The following FSTL5 variants were observed in gnomAD, a reference collection of about 807,000 sequenced individuals.
The protein encoded by FSTL5 is follistatin like 5, also known as follistatin-related protein 5.
In FSTL5, 62 loss-of-function variants were observed where a neutral mutation model predicts 89.1. That is an observed-to-expected ratio of 0.70 (90% CI 0.57 to 0.86). FSTL5 has a LOEUF of 0.86. Ranked by LOEUF, FSTL5 falls within the 40% of genes least tolerant of loss-of-function variation. FSTL5 has a pLI of 0.00. For synonymous variants in FSTL5, 383 were observed against 346.2 expected (o/e 1.11, Z -1.18); for missense variants, 1,057 against 1,001.6 (o/e 1.06, Z -0.75).
intron 3 of FSTL5, among the ~76,000 whole-genome samples, chr4:161,937,354 A>C (rs1734460730): frequency 6.6e-6 from 1 of 152,148 alleles, no homozygotes; most frequent in African/African-American, 2.4e-5. Context: ...AACAGATGGT[A>C]GGACATAATT....
chr4:161,575,313 A>G (rs1733170699), intron 8 of FSTL5, among the ~76,000 whole-genome samples: 1 of 151,944 alleles, frequency 6.6e-6, no homozygotes, highest in African/African-American at 2.4e-5. Flanking sequence ...CACTTTGATG[A>G]GTTTATTTTG....
chr4:162,070,636 C>A (rs764044627), intron 2 of FSTL5, among the ~76,000 whole-genome samples: 4 of 151,752 alleles, frequency 2.6e-5, no homozygotes, highest in Non-Finnish European at 5.9e-5. Context: ...ATTCTTGGCA[C>A]CTTTGTGGAA....
At chr4:162,041,180 T>A (rs1737938167) in intron 2 of FSTL5, among the ~76,000 whole-genome samples, 1 of 125,394 alleles carries the variant, frequency 8.0e-6, no homozygotes, top group Non-Finnish European at 1.6e-5. Flanking sequence ...AACTGAAGAA[T>A]TTATAGAGAA....
chr4:162,084,159 T>A (rs566982415), intron 2 of FSTL5, among the ~76,000 whole-genome samples: 2 of 152,054 alleles, frequency 1.3e-5, no homozygotes, highest in African/African-American at 4.8e-5. Context: ...GCATCAGTGG[T>A]GCAAATTATA....
chr4:161,554,353 T>C (rs973473251), intron 8 of FSTL5, among the ~76,000 whole-genome samples: 5 of 151,610 alleles, frequency 3.3e-5, no homozygotes, highest in Non-Finnish European at 7.4e-5. Flanking sequence ...ATTTATTTAA[T>C]GTAATGATGC....
intron 8 of FSTL5, among the ~76,000 whole-genome samples, chr4:161,583,692 G>T (rs28564868): frequency 1.2e-4 from 18 of 152,188 alleles, no homozygotes; most frequent in African/African-American, 4.3e-4. Context: ...CATTTGGGCT[G>T]CTTAAAACCC....
At chr4:161,594,401 G>A (rs753387277) in intron 7 of FSTL5, among the ~76,000 whole-genome samples, 2 of 151,762 alleles carry the variant, frequency 1.3e-5, no homozygotes, top group Non-Finnish European at 2.9e-5. Flanking sequence ...TTTTCCATAC[G>A]TTCTATGTAG....
intron 8 of FSTL5, among the ~76,000 whole-genome samples, chr4:161,569,496 A>G (rs1245737269): frequency 1.3e-5 from 2 of 152,130 alleles, no homozygotes; most frequent in African/African-American, 2.4e-5. Context: ...GGTGTTGCCA[A>G]CTTAAAGCCT....
chr4:161,958,820 C>T (rs1296071800), intron 3 of FSTL5, among the ~76,000 whole-genome samples: 1 of 152,140 alleles, frequency 6.6e-6, no homozygotes, highest in African/African-American at 2.4e-5. Context: ...CCATTGAAGA[C>T]TCAGCTGAAG....
At chr4:161,563,301 T>C (rs1234491467) in intron 8 of FSTL5, among the ~76,000 whole-genome samples, 1 of 152,038 alleles carries the variant, frequency 6.6e-6, no homozygotes, top group Non-Finnish European at 1.5e-5. Context: ...TGAAAACTTC[T>C]GGCTATATAT....
At chr4:161,618,587 G>A (rs1466499372) in intron 7 of FSTL5, among the ~76,000 whole-genome samples, 4 of 151,804 alleles carry the variant, frequency 2.6e-5, no homozygotes, top group African/African-American at 7.3e-5. Flanking sequence ...ATAATCATGT[G>A]GTTTTTCTCT....
chr4:161,955,605 A>G (rs1735006237), intron 3 of FSTL5, among the ~76,000 whole-genome samples: 1 of 151,808 alleles, frequency 6.6e-6, no homozygotes, highest in African/African-American at 2.4e-5. Context: ...AGCATTTAGC[A>G]TAACAAATCA....
chr4:161,859,744 T>A (rs1461228749), intron 4 of FSTL5, among the ~76,000 whole-genome samples: 1 of 152,100 alleles, frequency 6.6e-6, no homozygotes, highest in Non-Finnish European at 1.5e-5. Flanking sequence ...TAGCAACCCA[T>A]GTGAGGTAGC....
At chr4:161,904,208 GCA>G (rs1733457681) in intron 4 of FSTL5, among the ~76,000 whole-genome samples, 1 of 151,896 alleles carries the variant, frequency 6.6e-6, no homozygotes, top group African/African-American at 2.4e-5. Context: ...TTGGATTCTA[GCA>G]CTTACTTTTA....
intron 3 of FSTL5, among the ~76,000 whole-genome samples, chr4:161,988,485 G>A (rs538904128): frequency 6.6e-6 from 1 of 152,122 alleles, no homozygotes; most frequent in South Asian, 2.1e-4. Context: ...GTAAAGATAG[G>A]AAATTTTTAA....
intron 4 of FSTL5, among the ~76,000 whole-genome samples, chr4:161,790,783 GC>G (rs1729445157): frequency 6.6e-6 from 1 of 152,142 alleles, no homozygotes; most frequent in Middle Eastern, 3.2e-3. Context: ...TCAATAACAT[GC>G]CCACTTATGA....
At chr4:162,158,029 A>G (rs1733551337) in intron 1 of FSTL5, among the ~76,000 whole-genome samples, 1 of 152,116 alleles carries the variant, frequency 6.6e-6, no homozygotes, top group South Asian at 2.1e-4. Context: ...CTCAAAGCTA[A>G]TCATTTGTTT....
At chr4:161,890,278 A>T (rs1238229577) in intron 4 of FSTL5, among the ~76,000 whole-genome samples, 1 of 152,184 alleles carries the variant, frequency 6.6e-6, no homozygotes, top group Admixed American at 6.5e-5. Context: ...TGAATTTTAG[A>T]TGCAGGATGA....
At chr4:161,950,251 C>A (rs1734853991) in intron 3 of FSTL5, among the ~76,000 whole-genome samples, 1 of 152,124 alleles carries the variant, frequency 6.6e-6, no homozygotes, top group Non-Finnish European at 1.5e-5. Flanking sequence ...TGCCAACATT[C>A]TTTAGAATGT....
Sources: allele counts gnomAD v4.1 joint callset (sites outside exome capture counted in the v4.1 genomes callset), GRCh38; gene constraint gnomAD v4.1.1; transcripts MANE v1.5; gene names NCBI Gene and HGNC (gene_info 2026-07-23, HGNC 2026-07-21).